PDE3A: variants seen among roughly 807,000 people sequenced by gnomAD.
PDE3A encodes the protein phosphodiesterase 3A, also known as cGMP-inhibited 3',5'-cyclic phosphodiesterase 3A.
PDE3A carries 43 observed loss-of-function variants against 98.3 expected under a neutral mutation model. That is an observed-to-expected ratio of 0.44 (90% confidence interval 0.34 to 0.56). The LOEUF (loss-of-function observed/expected upper bound fraction) is 0.56. PDE3A is among the 20% of genes least tolerant of loss of function. PDE3A has a pLI of 0.01. For synonymous variants in PDE3A, 663 were observed against 567.9 expected (o/e 1.17, Z -2.38); for missense variants, 1,427 against 1,440.7 (o/e 0.99, Z 0.15).
chr12:20,542,975 T>C (rs1363737931), intron 1 of PDE3A, among the ~76,000 whole-genome samples: 1 of 152,078 alleles, frequency 6.6e-6, no homozygotes, highest in African/African-American at 2.4e-5. Context: ...GCCTTTATTT[T>C]ATTTTTTATT....
intron 1 of PDE3A, among the ~76,000 whole-genome samples, chr12:20,412,911 A>G (rs1428484262): frequency 6.6e-6 from 1 of 152,188 alleles, no homozygotes; most frequent in Admixed American, 6.5e-5. Flanking sequence ...AATAAGAGTG[A>G]GGGAGTGCAT....
At chr12:20,667,402 G>C (rs771195895) in intron 15 of PDE3A, among the ~76,000 whole-genome samples, 3 of 152,034 alleles carry the variant, frequency 2.0e-5, no homozygotes, top group African/African-American at 7.2e-5. Flanking sequence ...CAGTTTTATA[G>C]TTTTTGGTCT....
At chr12:20,621,047 A>G (rs1482627977) in intron 4 of PDE3A, among the ~76,000 whole-genome samples, 1 of 152,084 alleles carries the variant, frequency 6.6e-6, no homozygotes, top group Admixed American at 6.6e-5. Flanking sequence ...GATAATAAGA[A>G]AGTTATCTTT....
At chr12:20,523,433 T>C (rs1946465023) in intron 1 of PDE3A, among the ~76,000 whole-genome samples, 1 of 152,242 alleles carries the variant, frequency 6.6e-6, no homozygotes, top group Non-Finnish European at 1.5e-5. Flanking sequence ...GTTGTGATCT[T>C]GTCTTCTTTC....
chr12:20,436,413 T>C (rs1944779913), intron 1 of PDE3A, among the ~76,000 whole-genome samples: 1 of 152,196 alleles, frequency 6.6e-6, no homozygotes, highest in Non-Finnish European at 1.5e-5. Flanking sequence ...TATTCCATTA[T>C]CAGTCCCCTG....
In PDE3A at chr12:20,683,676, T is replaced by G. The variant is rs1271492644; in HGVS notation, c.*3405T>G. The G allele has an allele frequency of 6.6e-6, 1 of 152,190 alleles. No individual in the cohort carries two copies. The highest frequency in any genetic ancestry group is 1.5e-5 in the Non-Finnish European group (1 of 68,016). The allele number at this position is 152,190 out of a possible 1,614,324, so 9.4% of individuals were successfully genotyped here. A position where few individuals can be genotyped will look rare whatever the true frequency, so the allele number is the denominator to read the frequency against. ...ATTTAGATAAGACCTGGTTTGGCTC[T>G]CAATAAAAGATGAAGACAGTAGCTC... On this transcript the variant is annotated 3_prime_UTR_variant, in exon 16 of 16. Transcript: ENST00000359062.
At chr12:20,578,715 C>G (rs952512508) in intron 2 of PDE3A, among the ~76,000 whole-genome samples, 1 of 152,060 alleles carries the variant, frequency 6.6e-6, no homozygotes, top group Non-Finnish European at 1.5e-5. Flanking sequence ...TGGGAGAAAG[C>G]CTCTGTCTAT....
chr12:20,572,182 C>A (rs1167562910), intron 2 of PDE3A: 6 of 1,174,070 alleles, frequency 5.1e-6, no homozygotes, highest in Non-Finnish European at 6.7e-6. Flanking sequence ...GTATGAATAA[C>A]CTTTTTGTTC....
intron 1 of PDE3A, among the ~76,000 whole-genome samples, chr12:20,483,519 G>C (rs1406062273): frequency 2.0e-5 from 3 of 152,166 alleles, no homozygotes; most frequent in Non-Finnish European, 2.9e-5. Flanking sequence ...GAATAACCCA[G>C]TATCAAGTAT....
chr12:20,492,437 G>A (rs566886123), intron 1 of PDE3A, among the ~76,000 whole-genome samples: 5 of 152,164 alleles, frequency 3.3e-5, no homozygotes, highest in Non-Finnish European at 7.3e-5. Context: ...AGTCTGGGCA[G>A]GAAATAGATG....
At chr12:20,624,420 C>A (rs905620835) in intron 5 of PDE3A, among the ~76,000 whole-genome samples, 4 of 152,078 alleles carry the variant, frequency 2.6e-5, no homozygotes, top group African/African-American at 7.2e-5. Flanking sequence ...GTGTCCTGAT[C>A]CCCAGTTTGT....
At chr12:20,467,185 C>T (rs1451755448) in intron 1 of PDE3A, among the ~76,000 whole-genome samples, 1 of 151,916 alleles carries the variant, frequency 6.6e-6, no homozygotes, top group Non-Finnish European at 1.5e-5. Context: ...TGGTTGTTTT[C>T]ATCTTTTAAA....
chr12:20,488,075 C>T (rs1204067325), intron 1 of PDE3A, among the ~76,000 whole-genome samples: 3 of 152,044 alleles, frequency 2.0e-5, no homozygotes, highest in Non-Finnish European at 4.4e-5. Context: ...ATGAAATGCA[C>T]AACACTTAAA....
chr12:20,447,698 A>G (rs972098886), intron 1 of PDE3A, among the ~76,000 whole-genome samples: 1 of 152,158 alleles, frequency 6.6e-6, no homozygotes, highest in Non-Finnish European at 1.5e-5. Flanking sequence ...TAATTTTTTT[A>G]TAATAAATGG....
chr12:20,573,420 G>A (rs1942850687), intron 2 of PDE3A, among the ~76,000 whole-genome samples: 1 of 152,042 alleles, frequency 6.6e-6, no homozygotes, highest in African/African-American at 2.4e-5. Flanking sequence ...TAGAATTCTA[G>A]ATATTATTAT....
chr12:20,482,183 GA>G (rs1418323845), intron 1 of PDE3A, among the ~76,000 whole-genome samples: 4 of 151,502 alleles, frequency 2.6e-5, no homozygotes, highest in African/African-American at 2.4e-5. Flanking sequence ...ATTTAACTAA[GA>G]AATGAAAAGT....
In PDE3A at chr12:20,477,568, CTTGATA is replaced by C. The variant is rs1945552381; in HGVS notation, c.961-79091_961-79086del. ...GTCAAAGGAATAATTCGATATCTGG[CTTGATA>C]AACGGATTTTTAAAAATAACCTTGA... On this transcript the variant is annotated intron_variant, in intron 1 of 15. Coordinates refer to ENST00000359062, the MANE Select transcript of PDE3A (RefSeq NM_000921.5). Among the ~76,000 whole-genome samples, 3 of 152,078 alleles carry C rather than the reference CTTGATA, an allele frequency of 2.0e-5. No individual in the cohort carries two copies. In the South Asian group the frequency reaches 6.2e-4, roughly 31 times the overall value.
At chr12:20,572,097 C>A in intron 2 of PDE3A, 1 of 1,253,864 alleles carries the variant, frequency 8.0e-7, no homozygotes, top group Non-Finnish European at 1.0e-6. Flanking sequence ...AGAATCTGAA[C>A]TTTAAAGAAC....
At chr12:20,612,531 C>T (rs986899893) in intron 2 of PDE3A, among the ~76,000 whole-genome samples, 6 of 143,272 alleles carry the variant, frequency 4.2e-5, no homozygotes, top group African/African-American at 1.5e-4. Context: ...ATAAAATAGT[C>T]CCTCATATTT....
Sources: gnomAD v4.1 joint callset for allele counts (sites outside exome capture counted in the v4.1 genomes callset) on GRCh38, gnomAD v4.1.1 for gene constraint, MANE v1.5 for transcripts, NCBI Gene and HGNC (gene_info 2026-07-23, HGNC 2026-07-21) for gene names.